The following RANBP2 variants were observed in gnomAD, a reference collection of about 807,000 sequenced individuals.
RANBP2 encodes the protein RAN binding protein 2, also known as E3 SUMO-protein ligase RanBP2.
A neutral mutation model predicts 303.6 loss-of-function variants in RANBP2; 57 were observed. That is an observed-to-expected ratio of 0.19 (90% confidence interval 0.15 to 0.23). The LOEUF (loss-of-function observed/expected upper bound fraction) is 0.23, where lower values mean the gene tolerates loss of function less well. Among genes scored for constraint, RANBP2 ranks in the 10% least tolerant of loss-of-function variants. RANBP2 has a pLI of 1.00. For missense variants in RANBP2, 3,138 were observed against 3,780.8 expected, an observed-to-expected ratio of 0.83 and a Z score of 4.46; for synonymous variants, 1,167 against 1,301.5, an observed-to-expected ratio of 0.90 and a Z score of 2.23.
At chr2:109,712,425 A>G in the RANBP2 span, among the ~76,000 whole-genome samples, 1 of 152,018 alleles carries the variant, frequency 6.6e-6, no homozygotes, top group Non-Finnish European at 1.5e-5. Flanking sequence ...ACTATAAAAA[A>G]TTATTTATTT....
At chr2:109,630,226 T>TA in the RANBP2 span, among the ~76,000 whole-genome samples, 1 of 152,144 alleles carries the variant, frequency 6.6e-6, no homozygotes, top group African/African-American at 2.4e-5. Flanking sequence ...TCTGACATCT[T>TA]AAAAAACCCT....
the RANBP2 span, among the ~76,000 whole-genome samples, chr2:109,060,861 C>CAT: frequency 1.4e-4 from 21 of 152,162 alleles, no homozygotes; most frequent in African/African-American, 5.1e-4. Flanking sequence ...ATATATATAA[C>CAT]ATATATGTCT....
the RANBP2 span, among the ~76,000 whole-genome samples, chr2:108,933,512 A>G: frequency 2.0e-5 from 3 of 152,166 alleles, no homozygotes; most frequent in African/African-American, 7.2e-5. Flanking sequence ...CTGTTGGCCC[A>G]GTCACCTTGG....
chr2:109,747,673 A>C, the RANBP2 span, among the ~76,000 whole-genome samples: 1 of 149,890 alleles, frequency 6.7e-6, no homozygotes, highest in South Asian at 2.1e-4. Flanking sequence ...GGGGTGGCGG[A>C]GGTTGCAGTG....
At chr2:109,362,760 C>T in the RANBP2 span, among the ~76,000 whole-genome samples, 13,341 of 152,120 alleles carry the variant, frequency 0.088, 1,149 homozygotes, top group East Asian at 0.25. Flanking sequence ...TTGTTAGGTG[C>T]GTGTAATGAT....
the RANBP2 span, among the ~76,000 whole-genome samples, chr2:109,434,673 G>A: frequency 6.6e-6 from 1 of 152,182 alleles, no homozygotes; most frequent in Non-Finnish European, 1.5e-5. Flanking sequence ...TGCCTGTGCT[G>A]TAGTCGGGAT....
the RANBP2 span, among the ~76,000 whole-genome samples, chr2:109,174,073 T>C: frequency 2.6e-5 from 4 of 152,344 alleles, no homozygotes; most frequent in African/African-American, 9.6e-5. Flanking sequence ...AGTGTCCCCA[T>C]AGCCTTCCTT....
At chr2:109,614,927 GC>G in the RANBP2 span, 1 of 1,494,678 alleles carries the variant, frequency 6.7e-7, no homozygotes, top group Non-Finnish European at 8.9e-7. Context: ...CGCACTGGCC[GC>G]CCCTGAGCGC....
chr2:109,455,097 G>A, the RANBP2 span, among the ~76,000 whole-genome samples: 3 of 152,150 alleles, frequency 2.0e-5, no homozygotes, highest in African/African-American at 2.4e-5. Flanking sequence ...ACACAGCATC[G>A]GCAGTGGAGC....
the RANBP2 span, among the ~76,000 whole-genome samples, chr2:109,081,480 T>A: frequency 4.6e-5 from 7 of 152,288 alleles, no homozygotes; most frequent in East Asian, 1.4e-3. Flanking sequence ...GCTGACTCAA[T>A]GCTGGGCTTG....
chr2:109,403,691 G>C, the RANBP2 span, among the ~76,000 whole-genome samples: 1 of 152,230 alleles, frequency 6.6e-6, no homozygotes. Flanking sequence ...TGGAGGTGCA[G>C]GCTCCCTCTC....
the RANBP2 span, among the ~76,000 whole-genome samples, chr2:109,000,415 T>C: frequency 6.6e-6 from 1 of 151,966 alleles, no homozygotes; most frequent in Non-Finnish European, 1.5e-5. Flanking sequence ...TAGTCCCAGC[T>C]ATCGGGAGGC....
chr2:108,980,504 A>G, the RANBP2 span, among the ~76,000 whole-genome samples: 1 of 144,600 alleles, frequency 6.9e-6, no homozygotes, highest in African/African-American at 2.7e-5. Context: ...ATGTGATATT[A>G]TGTGTGTATG....
chr2:108,967,981 C>G, the RANBP2 span, among the ~76,000 whole-genome samples: 2 of 152,160 alleles, frequency 1.3e-5, no homozygotes, highest in African/African-American at 4.8e-5. Flanking sequence ...AGCTCATGCA[C>G]ACAGAACAGG....
At chr2:109,604,965 TCAGC>T in the RANBP2 span, 7 of 151,912 alleles carry the variant, frequency 4.6e-5, no homozygotes, top group African/African-American at 1.7e-4. Context: ...AGGAGAGGAA[TCAGC>T]ACAGGTTTGA....
At chr2:109,292,220 A>G in the RANBP2 span, among the ~76,000 whole-genome samples, 1 of 152,246 alleles carries the variant, frequency 6.6e-6, no homozygotes, top group Non-Finnish European at 1.5e-5. Context: ...TGTTCTCTAC[A>G]GAAAATTTGT....
At chr2:108,872,698 G>A in the RANBP2 span, among the ~76,000 whole-genome samples, 5 of 152,128 alleles carry the variant, frequency 3.3e-5, no homozygotes, top group African/African-American at 9.7e-5. Flanking sequence ...ACTCACACAT[G>A]GCGGTGGAGC....
At chr2:109,631,433 A>G in the RANBP2 span, among the ~76,000 whole-genome samples, 1 of 152,246 alleles carries the variant, frequency 6.6e-6, no homozygotes, top group African/African-American at 2.4e-5. Context: ...ATATCAATTA[A>G]TAGGTTGAAT....
At chr2:108,932,946 C>T in the RANBP2 span, among the ~76,000 whole-genome samples, 2 of 152,174 alleles carry the variant, frequency 1.3e-5, no homozygotes, top group African/African-American at 4.8e-5. Flanking sequence ...GCACGCCTGT[C>T]CTGCCTCCCG....
Sources: allele counts gnomAD v4.1 joint callset (sites outside exome capture counted in the v4.1 genomes callset), GRCh38; gene constraint gnomAD v4.1.1; transcripts MANE v1.5; gene names NCBI Gene and HGNC (gene_info 2026-07-23, HGNC 2026-07-21).